GABBR2: variants seen among roughly 807,000 people sequenced by gnomAD.
GABBR2 encodes the protein gamma-aminobutyric acid type B receptor subunit 2, also known as G-protein coupled receptor 51.
A neutral mutation model predicts 105.6 loss-of-function variants in GABBR2; 23 were observed. That is an observed-to-expected ratio of 0.22 (90% CI 0.16 to 0.31). GABBR2 has a LOEUF of 0.31. Among genes scored for constraint, GABBR2 ranks in the 10% least tolerant of loss-of-function variants. The pLI is 1.00. For synonymous variants in GABBR2, 478 were observed against 499.7 expected, an observed-to-expected ratio of 0.96 and a Z score of 0.58; for missense variants, 734 against 1,245.5, an observed-to-expected ratio of 0.59 and a Z score of 6.18.
chr9:98,503,843 G>A (rs1353496151), intron 3 of GABBR2, among the ~76,000 whole-genome samples: 2 of 152,112 alleles, frequency 1.3e-5, no homozygotes, highest in Non-Finnish European at 2.9e-5. Context: ...CACCTGGGGA[G>A]TTTTAGAAAC....
chr9:98,362,861 G>C (rs769543916), intron 12 of GABBR2, 24 bp from the exon 13 acceptor site: 1 of 1,512,378 alleles, frequency 6.6e-7, no homozygotes, highest in East Asian at 2.4e-5. Context: ...AGGAGCAGAG[G>C]GGAGCCGATG....
At chr9:98,447,119 T>C (rs910464624) in intron 7 of GABBR2, among the ~76,000 whole-genome samples, 2 of 108,936 alleles carry the variant, frequency 1.8e-5, no homozygotes, top group Non-Finnish European at 4.0e-5. Flanking sequence ...TGGAGTGCAG[T>C]GGCGCAATCT....
intron 1 of GABBR2, among the ~76,000 whole-genome samples, chr9:98,581,429 TA>T (rs1220133709): frequency 7.5e-6 from 1 of 132,816 alleles, no homozygotes; most frequent in Non-Finnish European, 1.6e-5. Context: ...TAATTTAATT[TA>T]AAAACTGGCC....
In GABBR2 at chr9:98,326,441, C is replaced by T. The variant is rs182757909; in HGVS notation, c.1894-15236G>A. On this transcript the variant is annotated intron_variant, in intron 13 of 18. Coordinates refer to ENST00000259455, the MANE Select transcript of GABBR2 (RefSeq NM_005458.8). ...AGAGAGTGGTAGAGGCTGATGCCAC[C>T]AACATCCCATCTGCTCATGCATATT... Among the ~76,000 whole-genome samples, 6 of 152,304 alleles carry T rather than the reference C, an allele frequency of 3.9e-5. No homozygotes were observed. The East Asian group carries it at 1.2e-3, about 29-fold the overall frequency.
chr9:98,536,752 G>A (rs113119284), intron 3 of GABBR2, among the ~76,000 whole-genome samples: 1,873 of 152,058 alleles, frequency 0.012, 26 homozygotes, highest in African/African-American at 0.036. Flanking sequence ...GTTCCTTACC[G>A]CAGCCCCTCA....
intron 13 of GABBR2, among the ~76,000 whole-genome samples, chr9:98,330,246 T>C (rs928385061): frequency 2.6e-5 from 4 of 152,234 alleles, no homozygotes; most frequent in African/African-American, 9.6e-5. Context: ...CCTTGAGGTT[T>C]TACCCATCTT....
At chr9:98,475,631 TG>T (rs1390254493) in intron 5 of GABBR2, among the ~76,000 whole-genome samples, 1 of 152,234 alleles carries the variant, frequency 6.6e-6, no homozygotes, top group African/African-American at 2.4e-5. Flanking sequence ...CACATATAGC[TG>T]GTAAGTCAAA....
At chr9:98,615,641 A>G (rs762732280) in intron 1 of GABBR2, among the ~76,000 whole-genome samples, 3 of 152,142 alleles carry the variant, frequency 2.0e-5, no homozygotes, top group Non-Finnish European at 2.9e-5. Flanking sequence ...CTTGCCTCCA[A>G]TCTCACCCTC....
chr9:98,673,679 T>C (rs1396491905), intron 1 of GABBR2, among the ~76,000 whole-genome samples: 3 of 151,820 alleles, frequency 2.0e-5, no homozygotes, highest in Non-Finnish European at 2.9e-5. Context: ...ATGTGAAAAC[T>C]TTAGGTCCCT....
chr9:98,487,360 CT>C (rs939816653), intron 4 of GABBR2, among the ~76,000 whole-genome samples: 3 of 151,828 alleles, frequency 2.0e-5, no homozygotes, highest in South Asian at 4.2e-4. Flanking sequence ...TCCCTAAGGA[CT>C]TTTTTTTGGC....
At chr9:98,465,309 G>A (rs891477307) in intron 6 of GABBR2, among the ~76,000 whole-genome samples, 2 of 151,932 alleles carry the variant, frequency 1.3e-5, no homozygotes, top group African/African-American at 4.8e-5. Context: ...AAATGATGTT[G>A]GGTCAATTAG....
chr9:98,625,611 C>T (rs984047355), intron 1 of GABBR2, among the ~76,000 whole-genome samples: 2 of 152,172 alleles, frequency 1.3e-5, no homozygotes, highest in South Asian at 2.1e-4. Flanking sequence ...CCGTCCCCTA[C>T]AAACTGGAAG....
chr9:98,607,650 T>C lies in GABBR2; in HGVS notation c.322-29578A>G, dbSNP rs1032359439. On this transcript the variant is annotated intron_variant, in intron 1 of 18. Coordinates refer to ENST00000259455, the MANE Select transcript of GABBR2 (RefSeq NM_005458.8). ...CTTGGGGTATTGCTGAAGTTGAAAATGGTGAACACTGTGATTTTACAATTC... is the reference window on the plus strand; with the variant it reads ...CTTGGGGTATTGCTGAAGTTGAAAACGGTGAACACTGTGATTTTACAATTC... 1.1e-5 allele frequency: 8 copies of C among 730,882 alleles called. No individual in the cohort carries two copies. In the African/African-American group the frequency reaches 1.4e-4, roughly 13 times the overall value. The allele number at this position is 730,882 out of a possible 1,614,324, so 45.3% of individuals were successfully genotyped here.
intron 1 of GABBR2, among the ~76,000 whole-genome samples, chr9:98,692,716 A>G (rs1830698713): frequency 6.6e-6 from 1 of 152,210 alleles, no homozygotes; most frequent in South Asian, 2.1e-4. Context: ...GCAGATCCAC[A>G]GTTTCTCCAG....
intron 1 of GABBR2, among the ~76,000 whole-genome samples, chr9:98,640,546 C>T (rs1227343828): frequency 1.3e-5 from 2 of 152,154 alleles, no homozygotes; most frequent in African/African-American, 4.8e-5. Flanking sequence ...ACAGAACAGT[C>T]CTACCAGGTA....
chr9:98,402,580 G>C (rs1832413061), intron 8 of GABBR2, among the ~76,000 whole-genome samples: 1 of 152,144 alleles, frequency 6.6e-6, no homozygotes, highest in African/African-American at 2.4e-5. Context: ...AGGATGCGCT[G>C]TTAGTGGTGT....
At chr9:98,560,943 TATA>T (rs1828666066) in intron 2 of GABBR2, among the ~76,000 whole-genome samples, 1 of 151,936 alleles carries the variant, frequency 6.6e-6, no homozygotes, top group African/African-American at 2.4e-5. Flanking sequence ...CCTATATCAT[TATA>T]ATGTCATTAT....
chr9:98,623,862 A>G (rs1205310156), intron 1 of GABBR2, among the ~76,000 whole-genome samples: 1 of 152,230 alleles, frequency 6.6e-6, no homozygotes, highest in African/African-American at 2.4e-5. Context: ...AGGTTCTGCC[A>G]TGAGAACATG....
At chr9:98,291,068 G>A (rs1830295870) in intron 18 of GABBR2, among the ~76,000 whole-genome samples, 1 of 151,992 alleles carries the variant, frequency 6.6e-6, no homozygotes, top group Admixed American at 6.5e-5. Context: ...CTTACGATGG[G>A]GTTACATTCC....
Sources: gnomAD v4.1 joint callset for allele counts (sites outside exome capture counted in the v4.1 genomes callset) on GRCh38, gnomAD v4.1.1 for gene constraint, MANE v1.5 for transcripts, NCBI Gene and HGNC (gene_info 2026-07-23, HGNC 2026-07-21) for gene names.